Variants in PLIN4 observed in about 807,000 individuals in gnomAD.
The protein encoded by PLIN4 is perilipin-4.
In PLIN4, 57 loss-of-function variants were observed where a neutral mutation model predicts 52.4. That is an observed-to-expected ratio of 1.09 (90% CI 0.88 to 1.36). PLIN4 has a LOEUF of 1.36. Among genes scored for constraint, PLIN4 ranks in the 40% most tolerant of loss-of-function variants. The pLI is 0.00. For synonymous variants in PLIN4, 826 were observed against 785.4 expected (o/e 1.05, Z -0.86); for missense variants, 1,757 against 1,770.3 (o/e 0.99, Z 0.13).
At chr19:4,506,289 G>C (rs371726926) in intron 6 of PLIN4, among the ~76,000 whole-genome samples, 22 of 152,210 alleles carry the variant, frequency 1.4e-4, no homozygotes, top group East Asian at 1.4e-3. Flanking sequence ...CCAACATGCC[G>C]GGACAGTCCT....
At position 4,512,321 on chromosome 19, in the gene PLIN4, T is replaced by A. The variant is rs1976417207; in HGVS notation, c.1639A>T (p.Lys547Ter). The change falls in exon 5 of 8, where the codon AAA becomes TAA. Residue 547 changes from lysine to a stop codon, truncating the protein, a stop_gained. Transcript: ENST00000301286. LOFTEE classifies it high-confidence loss of function. Reference sequence around the variant, plus strand: ...TCCAGGCCCCCCTGGACGGCCCCTTTGGCCACGTTCACAGCACTGGTCACC... The same window carrying A: ...TCCAGGCCCCCCTGGACGGCCCCTTAGGCCACGTTCACAGCACTGGTCACC... ...SGVTSAVNVA[K>*]GAVQGGLDTT... 6.2e-7 allele frequency: 1 copy of A among 1,611,938 alleles called. No homozygotes were observed. Among genetic ancestry groups the A allele is most frequent in the African/African-American group, 1.4e-5 (1 of 73,934 alleles).
intron 3 of PLIN4, 48 bp downstream of exon 3, chr19:4,517,506 G>A: frequency 6.4e-7 from 1 of 1,571,140 alleles, no homozygotes. Context: ...CTTCTCCCAG[G>A]TCCATGTGTA....
chr19:4,502,432 C>G lies in PLIN4; in HGVS notation c.*2027G>C. On this transcript the variant is annotated 3_prime_UTR_variant, in exon 8 of 8. Transcript: ENST00000301286. ...TTCCCAGGAGACAAGAGGGACAAAC[C>G]AGGGCATCTAAGCTGTGCTGCCTGC... 3.0e-6 allele frequency: 1 copy of G among 334,354 alleles called. No individual in the cohort carries two copies. Among genetic ancestry groups the G allele is most frequent in the South Asian group, 2.5e-5 (1 of 40,642 alleles). The allele number at this position is 334,354 out of a possible 1,614,324, so 20.7% of individuals were successfully genotyped here. A position where few individuals can be genotyped will look rare whatever the true frequency, so the allele number is the denominator to read the frequency against.
intron 4 of PLIN4, among the ~76,000 whole-genome samples, chr19:4,514,637 G>A (rs977774428): frequency 4.0e-5 from 6 of 151,802 alleles, no homozygotes; most frequent in Non-Finnish European, 5.9e-5. Context: ...TGAGGCAGGA[G>A]AATGGCATGA....
chr19:4,516,553 G>A, intron 4 of PLIN4, 64 bp downstream of exon 4: 1 of 1,529,732 alleles, frequency 6.5e-7, no homozygotes, highest in Non-Finnish European at 8.8e-7. Flanking sequence ...GAACTGAAAT[G>A]TCGCAGGAGG....
At chr19:4,509,879 A>C (rs1436024437) in intron 5 of PLIN4, among the ~76,000 whole-genome samples, 1 of 151,874 alleles carries the variant, frequency 6.6e-6, no homozygotes, top group Non-Finnish European at 1.5e-5. Flanking sequence ...GCACCACTGC[A>C]CTCCAGTGTG....
At chr19:4,505,122 T>C (rs1053042094) in intron 6 of PLIN4, among the ~76,000 whole-genome samples, 175 bp from the exon 7 acceptor site, 2 of 152,078 alleles carry the variant, frequency 1.3e-5, no homozygotes, top group Admixed American at 1.3e-4. Flanking sequence ...AGGCAATAGT[T>C]CAAACTTCCC....
chr19:4,513,295 G>A lies in PLIN4; in HGVS notation c.665C>T (p.Thr222Ile), dbSNP rs373878422. 1.8e-4 allele frequency: 283 copies of A among 1,613,380 alleles called. No individual in the cohort carries two copies. The highest frequency in any genetic ancestry group is 2.3e-4 in the Non-Finnish European group (266 of 1,179,828). ...AVNLAKGTVQTGVETSKAVLT... is the reference protein window; with the variant it reads ...AVNLAKGTVQIGVETSKAVLT... The stretch of plus-strand genomic sequence containing the variant: ...CACAGCCTTGGAGGTTTCCACGCCA[G>A]TCTGGACAGTCCCTTTGGCCAAGTT... Residue 222 changes from threonine (T) to isoleucine (I), a missense_variant, in exon 5 of 8, where the codon ACT becomes ATT. Thr to Ile is a moderately conservative substitution (Grantham distance 89). This residue lies in a region of PLIN4 where 332 missense variants were observed against 310.8 expected (regional missense o/e 1.07). Coordinates refer to ENST00000301286, the MANE Select transcript of PLIN4 (RefSeq NM_001367868.2).
rs762249850 is a variant in PLIN4 at position 4,504,799 on chromosome 19, G to A, written c.3790-14C>T. 2.9e-5 allele frequency: 46 copies of A among 1,601,906 alleles called. No individual in the cohort carries two copies. Among genetic ancestry groups the A allele is most frequent in the Non-Finnish European group, 3.7e-5 (43 of 1,173,512 alleles). On this transcript the variant is annotated splice_polypyrimidine_tract_variant and intron_variant, in intron 7 of 7. Coordinates refer to ENST00000301286, the MANE Select transcript of PLIN4 (RefSeq NM_001367868.2). ...GGCATCCCGCTCCTGTGGGAGGAAG[G>A]CGCAAGGTGAGTGGAGACCCATGGG...
chr19:4,508,876 C>G lies in PLIN4; in HGVS notation c.3594G>C (p.Leu1198=), dbSNP rs1371308124. 1 of 1,613,136 alleles carries G rather than the reference C, an allele frequency of 6.2e-7. No homozygotes were observed. The highest frequency in any genetic ancestry group is 8.5e-7 in the Non-Finnish European group (1 of 1,179,812). ...QGSYFVRLGD[L]GPSFRQRAFE... Reference sequence around the variant, plus strand: ...ATGCCCGCTGGCGGAAGCTGGGACCCAGGTCACCTAAACGAACGAAGTAGC... The same window carrying G: ...ATGCCCGCTGGCGGAAGCTGGGACCGAGGTCACCTAAACGAACGAAGTAGC... The change falls in exon 6 of 8, where the codon CTG becomes CTC. Residue 1198 remains leucine (L), a synonymous_variant. Transcript: ENST00000301286.
Position 4,504,577 on chromosome 19 carries a change from C to T in PLIN4, c.3998G>A (p.Ser1333Asn), listed in dbSNP as rs780402327. 43 of 1,601,294 alleles carry T rather than the reference C, an allele frequency of 2.7e-5. No individual in the cohort carries two copies. The highest frequency in any genetic ancestry group is 9.0e-5 in the East Asian group (4 of 44,310). ...CCAAGCCTGGTGCACACCCTCGCGG[C>T]TCTGCACCAGCCGCTCTGCGGGCAG... Reference protein sequence around the residue: ...EELPAERLVQSREGVHQAWQG... With the variant: ...EELPAERLVQNREGVHQAWQG... Residue 1333 changes from serine (S) to asparagine (N), a missense_variant, in exon 8 of 8, where the codon AGC becomes AAC. Physicochemically the swap from Ser to Asn is conservative, Grantham distance 46 (BLOSUM62 1). Around this residue, in one of 7 missense-constraint regions of PLIN4, gnomAD observed 712 missense variants for 637.1 expected, o/e 1.12. Coordinates refer to ENST00000301286, the MANE Select transcript of PLIN4 (RefSeq NM_001367868.2).
chr19:4,518,180 C>G, intron 2 of PLIN4, 42 bp downstream of exon 2: 1 of 1,225,184 alleles, frequency 8.2e-7, no homozygotes, highest in Non-Finnish European at 1.0e-6. Context: ...TCTGGGGCAT[C>G]TCCAGGCCCC....
In PLIN4 at chr19:4,512,477, G is replaced by T. The variant is rs1440665081; in HGVS notation, c.1483C>A (p.Leu495Met). 1 of 1,598,872 alleles carries T rather than the reference G, an allele frequency of 6.3e-7. No homozygotes were observed. Among genetic ancestry groups the T allele is most frequent in the Non-Finnish European group, 8.5e-7 (1 of 1,173,900 alleles). ...GACACAGCATCTTTAGTGCCAGTCAGGACAGACTTTGTAGTGTCCAGGCCG... is the reference window on the plus strand; with the variant it reads ...GACACAGCATCTTTAGTGCCAGTCATGACAGACTTTGTAGTGTCCAGGCCG... ...QGGLDTTKSV[L>M]TGTKDAVSTG... The change falls in exon 5 of 8, where the codon CTG becomes ATG. Residue 495 changes from leucine to methionine, a missense_variant. Around this residue, in one of 7 missense-constraint regions of PLIN4, gnomAD observed 439 missense variants for 406.4 expected, o/e 1.08. Coordinates refer to ENST00000301286, the MANE Select transcript of PLIN4 (RefSeq NM_001367868.2).
chr19:4,504,424 G>C lies in PLIN4; in HGVS notation c.*35C>G, dbSNP rs1415797368. The C allele has an allele frequency of 6.7e-7, 1 of 1,486,152 alleles. No homozygotes were observed. Among genetic ancestry groups the C allele is most frequent in the Admixed American group, 2.1e-5 (1 of 46,914 alleles). 92.1% of individuals were successfully genotyped at this position (1,486,152 alleles called of 1,614,324 possible). On this transcript the variant is annotated 3_prime_UTR_variant, in exon 8 of 8. Transcript: ENST00000301286. ...AGGCAGCTCCTCCCTGGACAGAGCA[G>C]GGCGACCCCGCGCCGGGCCTGCAGG...
rs7259625 is a variant in PLIN4, at chr19:4,512,502, G to A, written c.1458C>T (p.Gly486=). The change falls in exon 5 of 8, where the codon GGC becomes GGT. Residue 486 remains glycine (G), a synonymous_variant. Coordinates refer to ENST00000301286, the MANE Select transcript of PLIN4 (RefSeq NM_001367868.2). ...AANVAKGAVQ[G]GLDTTKSVLT... ...GGACAGACTTTGTAGTGTCCAGGCCGCCCTGGACGGCCCCTTTGGCCACAT... is the reference window on the plus strand; with the variant it reads ...GGACAGACTTTGTAGTGTCCAGGCCACCCTGGACGGCCCCTTTGGCCACAT... The A allele has an allele frequency of 4.0e-5, 63 of 1,588,234 alleles. No homozygotes were observed. The highest frequency in any genetic ancestry group is 2.6e-4 in the African/African-American group (19 of 72,806).
At position 4,511,132 on chromosome 19, in the gene PLIN4, T is replaced by C. The variant is rs767815869; in HGVS notation, c.2828A>G (p.Lys943Arg). The part of the protein sequence containing the change: ...SGVTGAVNVA[K>R]GTVQTGVDTA... ...GTCCACACCTGTCTGGACGGTCCCT[T>C]TGGCCACATTTACGGCACCAGTGAC... Residue 943 changes from lysine (K) to arginine (R), a missense_variant, in exon 5 of 8, where the codon AAA becomes AGA. Physicochemically the swap from Lys to Arg is conservative, Grantham distance 26 (BLOSUM62 2). This residue lies in a region of PLIN4 where 712 missense variants were observed against 637.1 expected (regional missense o/e 1.12). Transcript: ENST00000301286. The C allele has an allele frequency of 1.9e-6, 3 of 1,610,790 alleles. No individual in the cohort carries two copies. The highest frequency in any genetic ancestry group is 2.5e-6 in the Non-Finnish European group (3 of 1,177,770).
Position 4,504,574 on chromosome 19 carries a change from C to A in PLIN4, c.4001G>T (p.Arg1334Leu). 1.1e-5 allele frequency: 18 copies of A among 1,601,202 alleles called. No individual in the cohort carries two copies. The highest frequency in any genetic ancestry group is 1.7e-4 in the Middle Eastern group (1 of 6,034). ...ELPAERLVQS[R>L]EGVHQAWQGL... The stretch of plus-strand genomic sequence containing the variant: ...CTGCCAAGCCTGGTGCACACCCTCG[C>A]GGCTCTGCACCAGCCGCTCTGCGGG... Residue 1334 changes from arginine (R) to leucine (L), a missense_variant, in exon 8 of 8, where the codon CGC (arginine) becomes CTC (leucine). Physicochemically the swap from Arg to Leu is moderately radical, Grantham distance 102 (BLOSUM62 -2). This residue lies in a region of PLIN4 where 712 missense variants were observed against 637.1 expected (regional missense o/e 1.12). Transcript: ENST00000301286.
chr19:4,511,432 G>T lies in PLIN4; in HGVS notation c.2528C>A (p.Ala843Asp), dbSNP rs1394588132. 6.5e-7 allele frequency: 1 copy of T among 1,532,032 alleles called. No homozygotes were observed. Among genetic ancestry groups the T allele is most frequent in the Non-Finnish European group, 8.9e-7 (1 of 1,121,126 alleles). 94.9% of individuals were successfully genotyped at this position (1,532,032 alleles called of 1,614,324 possible). A position where few individuals can be genotyped will look rare whatever the true frequency, so the allele number is the denominator to read the frequency against. The change falls in exon 5 of 8, where the codon GCC becomes GAC. Residue 843 changes from alanine (A) to aspartate (D), a missense_variant. Physicochemically the swap from Ala to Asp is moderately radical, Grantham distance 126. Around this residue, in one of 7 missense-constraint regions of PLIN4, gnomAD observed 76 missense variants for 109.1 expected, o/e 0.70. Coordinates refer to ENST00000301286, the MANE Select transcript of PLIN4 (RefSeq NM_001367868.2). ...CSGVTGAANV[A>D]KGAVQTGLKT... ...CAGCCCAGTTTGCACAGCACCCTTG[G>T]CCACGTTCGCAGCACCGGTGACCCC... is the stretch of plus-strand genomic sequence containing the variant.
rs1045327474 is a variant in PLIN4 at position 4,504,208 on chromosome 19, C to G, written c.*251G>C. ...CTCTTGGCTGGTGGTCTGAGTGACCCCAGGCTCCGAGAGGGGCAGGCAGCG... is the reference window on the plus strand; with the variant it reads ...CTCTTGGCTGGTGGTCTGAGTGACCGCAGGCTCCGAGAGGGGCAGGCAGCG... On this transcript the variant is annotated 3_prime_UTR_variant, in exon 8 of 8. Coordinates refer to ENST00000301286, the MANE Select transcript of PLIN4 (RefSeq NM_001367868.2). The G allele has an allele frequency of 6.8e-6, 3 of 440,568 alleles. No homozygotes were observed. Among genetic ancestry groups the G allele is most frequent in the Non-Finnish European group, 8.0e-6 (2 of 249,846 alleles). The allele number at this position is 440,568 out of a possible 1,614,324, so 27.3% of individuals were successfully genotyped here. A position where few individuals can be genotyped will look rare whatever the true frequency, so the allele number is the denominator to read the frequency against.
Sources: gnomAD v4.1 joint callset for allele counts (sites outside exome capture counted in the v4.1 genomes callset) on GRCh38, gnomAD v4.1.1 for gene constraint, gnomAD v4.1.1 regional missense constraint, MANE v1.5 for transcripts, NCBI Gene and HGNC (gene_info 2026-07-23, HGNC 2026-07-21) for gene names.